ITGAE: variants seen among roughly 807,000 people sequenced by gnomAD.
ITGAE encodes the protein integrin subunit alpha E, also known as integrin alpha-E.
A neutral mutation model predicts 136.5 loss-of-function variants in ITGAE; 99 were observed. The ratio of observed to expected loss-of-function variants is 0.73; its 90% CI spans 0.62 to 0.86. ITGAE has a LOEUF of 0.86. Among genes scored for constraint, ITGAE ranks in the 40% least tolerant of loss-of-function variants. ITGAE has a pLI of 0.00. For synonymous variants in ITGAE, 613 were observed against 591.8 expected (o/e 1.04, Z -0.52); for missense variants, 1,447 against 1,515.3 (o/e 0.95, Z 0.75).
chr17:3,764,095 C>T (rs1315374273), intron 2 of ITGAE, 135 bp from the exon 3 acceptor site: 11 of 635,340 alleles, frequency 1.7e-5, no homozygotes, highest in Non-Finnish European at 3.1e-5. Flanking sequence ...CTAGCCCAGA[C>T]TCTGGATTAT....
At chr17:3,757,283 C>T in intron 9 of ITGAE, 149 bp from the exon 10 acceptor site, 3 of 1,064,274 alleles carry the variant, frequency 2.8e-6, no homozygotes, top group Non-Finnish European at 4.1e-6. Flanking sequence ...CCTGTTCTAC[C>T]CATACTCTGG....
chr17:3,783,547 A>G (rs991592571), intron 1 of ITGAE, among the ~76,000 whole-genome samples: 4 of 152,176 alleles, frequency 2.6e-5, no homozygotes, highest in African/African-American at 7.2e-5. Context: ...TATTGTTTTT[A>G]TTTATCTAAA....
chr17:3,759,359 C>G (rs755659470), intron 8 of ITGAE, 43 bp downstream of exon 8: 3 of 1,595,930 alleles, frequency 1.9e-6, no homozygotes, highest in Non-Finnish European at 2.6e-6. Flanking sequence ...GCCACAGAGA[C>G]TCTGGGCATG....
At chr17:3,751,404 C>T (rs1245555432) in intron 15 of ITGAE, among the ~76,000 whole-genome samples, 1 of 151,698 alleles carries the variant, frequency 6.6e-6, no homozygotes, top group African/African-American at 2.4e-5. Flanking sequence ...GCCACAACCT[C>T]CCCTGAACCT....
chr17:3,788,253 A>T lies in ITGAE; in HGVS notation c.35-10593T>A, dbSNP rs1048489421. Among the ~76,000 whole-genome samples the T allele has an allele frequency of 7.9e-5, 12 of 151,058 alleles. No individual in the cohort carries two copies. In the East Asian group the frequency reaches 1.6e-3, roughly 20 times the overall value. On this transcript the variant is annotated intron_variant, in intron 1 of 30. Transcript: ENST00000263087. ...TTAAGTTTAATGAAGTTCAAAAAAA[A>T]TTTTTTTAGCCCCCAAGGTTGTACA...
At chr17:3,762,739 G>A (rs569801073) in intron 3 of ITGAE, among the ~76,000 whole-genome samples, 2 of 151,086 alleles carry the variant, frequency 1.3e-5, no homozygotes, top group Admixed American at 6.6e-5. Flanking sequence ...CTGGGACTAC[G>A]TGTGCCCGTC....
chr17:3,792,671 A>G (rs2052972153), intron 1 of ITGAE, among the ~76,000 whole-genome samples: 1 of 152,222 alleles, frequency 6.6e-6, no homozygotes, highest in South Asian at 2.1e-4. Context: ...GGCTCTGAAC[A>G]CAGCGCTGGC....
At position 3,798,122 on chromosome 17, in the gene ITGAE, C is replaced by T. The variant is rs978346370; in HGVS notation, c.34+2989G>A. 6.6e-6 allele frequency among the ~76,000 whole-genome samples: 1 copy of T among 152,172 alleles called. No individual in the cohort carries two copies. Among genetic ancestry groups the T allele is most frequent in the African/African-American group, 2.4e-5 (1 of 41,436 alleles). On this transcript the variant is annotated intron_variant, in intron 1 of 30. Transcript: ENST00000263087. This position sits in a 1 kb window ranked among gnomAD's most constrained non-coding sequence, Gnocchi z 4.3. ...GCAGGGATGTGGGGCTCCCACACGG[C>T]CCACACTCCCCCAGCCAGCTCTCCC...
chr17:3,714,710 ATG>A lies in ITGAE; in HGVS notation c.*135_*136del, dbSNP rs2050910926. On this transcript the variant is annotated 3_prime_UTR_variant, in exon 31 of 31. Coordinates refer to ENST00000263087, the MANE Select transcript of ITGAE (RefSeq NM_002208.5). ...ACAATGCACAGACACTTTTGGGACA[ATG>A]TATGGTTAAAAACTAATATTCTACC... 1.8e-6 allele frequency: 1 copy of A among 562,222 alleles called. No homozygotes were observed. Among genetic ancestry groups the A allele is most frequent in the African/African-American group, 1.9e-5 (1 of 52,594 alleles). The allele number at this position is 562,222 out of a possible 1,614,324, so 34.8% of individuals were successfully genotyped here.
In ITGAE at chr17:3,754,050, T is replaced by C. The variant is rs540030940; in HGVS notation, c.1385-125A>G. 9 of 1,058,798 alleles carry C rather than the reference T, an allele frequency of 8.5e-6. No homozygotes were observed. The East Asian group carries it at 1.5e-4, about 18-fold the overall frequency. 65.6% of individuals were successfully genotyped at this position (1,058,798 alleles called of 1,614,324 possible). A position where few individuals can be genotyped will look rare whatever the true frequency, so the allele number is the denominator to read the frequency against. ...GGGAGGGGGGCAAAATAGGAGAGAC[T>C]GTCTTTCTCACTATGTTAAAAATCG... is the stretch of plus-strand genomic sequence containing the variant. On this transcript the variant is annotated intron_variant, in intron 12 of 30. Coordinates refer to ENST00000263087, the MANE Select transcript of ITGAE (RefSeq NM_002208.5).
chr17:3,800,957 G>T (rs186144310), intron 1 of ITGAE, among the ~76,000 whole-genome samples, 154 bp downstream of exon 1: 31 of 152,322 alleles, frequency 2.0e-4, no homozygotes, highest in South Asian at 6.2e-4. Flanking sequence ...CTGACCCACC[G>T]AGCAAGACTC....
At chr17:3,778,496 G>A (rs1489290432) in intron 1 of ITGAE, among the ~76,000 whole-genome samples, 1 of 152,188 alleles carries the variant, frequency 6.6e-6, no homozygotes, top group African/African-American at 2.4e-5. Flanking sequence ...CTGGGAGGCA[G>A]AGGTTGCAGT....
At chr17:3,724,183 C>T (rs999032047) in intron 26 of ITGAE, 9 of 1,591,474 alleles carry the variant, frequency 5.7e-6, no homozygotes, top group Non-Finnish European at 7.7e-6. Context: ...CGGAGGCGTC[C>T]CGGCGGCCGA....
chr17:3,724,540 C>G (rs752178949), intron 26 of ITGAE: 8 of 1,614,100 alleles, frequency 5.0e-6, no homozygotes, highest in Non-Finnish European at 5.1e-6. Context: ...TCAGCCGTCC[C>G]GAGCGGCCTC....
chr17:3,798,981 T>C lies in ITGAE; in HGVS notation c.34+2130A>G, dbSNP rs2053186672. Among the ~76,000 whole-genome samples the C allele has an allele frequency of 6.6e-6, 1 of 152,116 alleles. No homozygotes were observed. Among genetic ancestry groups the C allele is most frequent in the South Asian group, 2.1e-4 (1 of 4,836 alleles). The stretch of plus-strand genomic sequence containing the variant: ...TGCTGCCACAAATAAGAAGTAGGCA[T>C]CACCAGAGTGGCTGGCCTGGAGAGA... On this transcript the variant is annotated intron_variant, in intron 1 of 30. Coordinates refer to ENST00000263087, the MANE Select transcript of ITGAE (RefSeq NM_002208.5). This position sits in a 1 kb window ranked among gnomAD's most constrained non-coding sequence, Gnocchi z 4.3.
At position 3,797,464 on chromosome 17, in the gene ITGAE, CT is replaced by C. The variant is rs573506680; in HGVS notation, c.34+3646del. ...ACAGGCTTGAGCCACTGCGCCTGGC[CT>C]TTTTTTTTTTTTTGAGACGGTGTCT... On this transcript the variant is annotated intron_variant, in intron 1 of 30. Transcript: ENST00000263087. Among the ~76,000 whole-genome samples, 477 of 114,670 alleles carry C rather than the reference CT, an allele frequency of 4.2e-3. 2 individuals carry two copies. The highest frequency in any genetic ancestry group is 7.2e-3 in the Middle Eastern group (1 of 138). 75.2% of individuals were successfully genotyped at this position (114,670 alleles called of 152,430 possible). A position where few individuals can be genotyped will look rare whatever the true frequency, so the allele number is the denominator to read the frequency against.
At chr17:3,742,456 G>GTT (rs568033494) in intron 19 of ITGAE, among the ~76,000 whole-genome samples, 3,367 of 134,100 alleles carry the variant, frequency 0.025, 187 homozygotes, top group African/African-American at 0.084. Context: ...AAGGTTTGTG[G>GTT]TTTTTTTTTT....
Position 3,771,916 on chromosome 17 carries a change from C to T in ITGAE, c.155+5624G>A, listed in dbSNP as rs200072436. On this transcript the variant is annotated intron_variant, in intron 2 of 30. Coordinates refer to ENST00000263087, the MANE Select transcript of ITGAE (RefSeq NM_002208.5). ...ACAATCTTGACCTTTAATTCATCTT[C>T]GTGCAACACAAAACTCCCTGAAAAC... 2.6e-5 allele frequency among the ~76,000 whole-genome samples: 4 copies of T among 152,252 alleles called. No individual in the cohort carries two copies. The South Asian group carries it at 6.2e-4, about 24-fold the overall frequency.
In ITGAE at chr17:3,798,719, C is replaced by A. The variant is rs530740319; in HGVS notation, c.34+2392G>T. ...ACCCCTGTAAGGTGTTGTAGGCTGACAGGACAGGCTTCTTCACGCAAGGGT... is the reference window on the plus strand; with the variant it reads ...ACCCCTGTAAGGTGTTGTAGGCTGAAAGGACAGGCTTCTTCACGCAAGGGT... On this transcript the variant is annotated intron_variant, in intron 1 of 30. Coordinates refer to ENST00000263087, the MANE Select transcript of ITGAE (RefSeq NM_002208.5). This position sits in a 1 kb window ranked among gnomAD's most constrained non-coding sequence, Gnocchi z 4.3. 6.6e-6 allele frequency among the ~76,000 whole-genome samples: 1 copy of A among 152,328 alleles called. No individual in the cohort carries two copies. The highest frequency in any genetic ancestry group is 2.4e-5 in the African/African-American group (1 of 41,576).
Sources: gnomAD v4.1 joint callset for allele counts (sites outside exome capture counted in the v4.1 genomes callset) on GRCh38, gnomAD v4.1.1 for gene constraint, Gnocchi (gnomAD v3.1) non-coding constraint, MANE v1.5 for transcripts, NCBI Gene and HGNC (gene_info 2026-07-23, HGNC 2026-07-21) for gene names.